RORA: variants seen among roughly 807,000 people sequenced by gnomAD.
RORA encodes nuclear receptor ROR-alpha.
A neutral mutation model predicts 69.5 loss-of-function variants in RORA; 7 were observed. The observed-to-expected ratio is 0.10, with a 90% CI of 0.06 to 0.19. The LOEUF (loss-of-function observed/expected upper bound fraction) is 0.19, where lower values mean the gene tolerates loss of function less well. RORA is among the 10% of genes least tolerant of loss of function. The pLI is 1.00. For synonymous variants in RORA, 261 were observed against 240.8 expected (o/e 1.08, Z -0.78); for missense variants, 457 against 663.0 (o/e 0.69, Z 3.41).
chr15:60,592,316 C>T, intron 2 of RORA: 1 of 1,151,594 alleles, frequency 8.7e-7, no homozygotes, highest in Admixed American at 4.0e-5. Context: ...CCACCCCTCC[C>T]CCTGCGCGCC....
At chr15:60,763,670 G>A (rs540497099) in intron 1 of RORA, among the ~76,000 whole-genome samples, 4 of 152,230 alleles carry the variant, frequency 2.6e-5, no homozygotes, top group South Asian at 2.1e-4. Context: ...ATGCCAGGGG[G>A]GTAGCTCCCC....
At chr15:61,144,952 T>A (rs1033564030) in intron 1 of RORA, among the ~76,000 whole-genome samples, 2 of 152,232 alleles carry the variant, frequency 1.3e-5, no homozygotes, top group African/African-American at 2.4e-5. Flanking sequence ...TATGTGTTAT[T>A]TTTAAAAATA....
At chr15:60,560,164 CCTT>C (rs2067489473) in intron 2 of RORA, among the ~76,000 whole-genome samples, 1 of 152,186 alleles carries the variant, frequency 6.6e-6, no homozygotes, top group South Asian at 2.1e-4. Context: ...CATTTGACTC[CCTT>C]CTTAAGGAGA....
chr15:60,851,159 T>C (rs1180170926), intron 1 of RORA, among the ~76,000 whole-genome samples: 1 of 152,186 alleles, frequency 6.6e-6, no homozygotes, highest in Non-Finnish European at 1.5e-5. Flanking sequence ...GATGTACATA[T>C]ACACACATAA....
At position 60,905,183 on chromosome 15, in the gene RORA, T is replaced by TTAG. The variant is rs377403598; in HGVS notation, c.167-226500_167-226498dup. On this transcript the variant is annotated intron_variant, in intron 1 of 10. Coordinates refer to ENST00000335670, the MANE Select transcript of RORA (RefSeq NM_134261.3). This position sits in a 1 kb window ranked among gnomAD's most constrained non-coding sequence, Gnocchi z 4.8. ...TTCTTCTTTTAATTGATATGCAGTC[T>TTAG]TAGCCCTGTTATCATCTCTGATCTT... Among the ~76,000 whole-genome samples, 156 of 152,336 alleles carry TTAG rather than the reference T, an allele frequency of 1.0e-3. 1 individual carries two copies. Among genetic ancestry groups the TTAG allele is most frequent in the African/African-American group, 3.6e-3 (150 of 41,576 alleles).
At position 60,826,408 on chromosome 15, in the gene RORA, A is replaced by T. The variant is rs566809735; in HGVS notation, c.167-147722T>A. On this transcript the variant is annotated intron_variant, in intron 1 of 10. Transcript: ENST00000335670. Reference sequence around the variant, plus strand: ...AAAACAACCCCTGTTCTCAAGGGGCAATTTCCAGCCTGGCTGCTGACTTCC... The same window carrying T: ...AAAACAACCCCTGTTCTCAAGGGGCTATTTCCAGCCTGGCTGCTGACTTCC... Among the ~76,000 whole-genome samples, 18 of 152,242 alleles carry T rather than the reference A, an allele frequency of 1.2e-4. 1 individual carries two copies. The South Asian group carries it at 3.5e-3, about 30-fold the overall frequency.
intron 1 of RORA, among the ~76,000 whole-genome samples, chr15:60,890,630 T>C (rs955553599): frequency 5.9e-5 from 9 of 152,220 alleles, no homozygotes; most frequent in Non-Finnish European, 1.0e-4. Flanking sequence ...GCTGTTCTTT[T>C]TGAGCCATTT....
intron 1 of RORA, among the ~76,000 whole-genome samples, chr15:60,729,738 T>C (rs186085852): frequency 6.6e-6 from 1 of 152,330 alleles, no homozygotes; most frequent in East Asian, 1.9e-4. Flanking sequence ...AACTGGATTG[T>C]AATCATTTAT....
intron 1 of RORA, among the ~76,000 whole-genome samples, chr15:60,794,014 C>G (rs961348687): frequency 1.3e-5 from 2 of 152,206 alleles, no homozygotes; most frequent in African/African-American, 4.8e-5. Flanking sequence ...TCCAAGGTGA[C>G]AGGGAAAAGG....
chr15:61,145,048 A>G (rs2079334334), intron 1 of RORA, among the ~76,000 whole-genome samples: 1 of 152,170 alleles, frequency 6.6e-6, no homozygotes, highest in African/African-American at 2.4e-5. Flanking sequence ...TATCTAAAAG[A>G]AGCCTTTTTT....
At chr15:60,937,714 T>A (rs1892567157) in intron 1 of RORA, among the ~76,000 whole-genome samples, 1 of 152,114 alleles carries the variant, frequency 6.6e-6, no homozygotes, top group Non-Finnish European at 1.5e-5. Flanking sequence ...ACGTTTCAGC[T>A]CCAACTACTG....
chr15:60,624,498 T>TATATATATATATATATA (rs2069513906), intron 2 of RORA, among the ~76,000 whole-genome samples: 4 of 52,006 alleles, frequency 7.7e-5, no homozygotes, highest in African/African-American at 2.0e-4. Flanking sequence ...ATATATATAT[T>TATATATATATATATATA]TGCTGTATGT....
At chr15:60,790,851 G>A (rs1471618346) in intron 1 of RORA, among the ~76,000 whole-genome samples, 1 of 152,160 alleles carries the variant, frequency 6.6e-6, no homozygotes, top group Non-Finnish European at 1.5e-5. Flanking sequence ...GCATGCTGGG[G>A]CTTGTAGGTA....
chr15:60,544,397 C>G (rs1472867232), intron 2 of RORA, among the ~76,000 whole-genome samples: 1 of 136,098 alleles, frequency 7.3e-6, no homozygotes, highest in East Asian at 2.6e-4. Flanking sequence ...ATGAACTGTT[C>G]TCTTCGAGAT....
At chr15:60,759,491 T>C (rs1293920745) in intron 1 of RORA, among the ~76,000 whole-genome samples, 1 of 152,146 alleles carries the variant, frequency 6.6e-6, no homozygotes, top group Admixed American at 6.5e-5. Flanking sequence ...GCAACCACAA[T>C]TCCCACAAGA....
At chr15:61,177,016 C>A (rs1010899098) in intron 1 of RORA, among the ~76,000 whole-genome samples, 2 of 152,168 alleles carry the variant, frequency 1.3e-5, no homozygotes, top group Admixed American at 1.3e-4. Flanking sequence ...AGGAAGCAAA[C>A]AGGATTGGTT....
At chr15:61,007,038 C>T (rs1436245578) in intron 1 of RORA, among the ~76,000 whole-genome samples, 2 of 151,990 alleles carry the variant, frequency 1.3e-5, no homozygotes, top group African/African-American at 4.8e-5. Context: ...ACTCATCTCT[C>T]CATTTACAAG....
chr15:60,559,620 T>C (rs2067473912), intron 2 of RORA, among the ~76,000 whole-genome samples: 1 of 152,184 alleles, frequency 6.6e-6, no homozygotes, highest in Admixed American at 6.5e-5. Context: ...AGGTGAGGTA[T>C]TGCTGTAGTA....
intron 1 of RORA, among the ~76,000 whole-genome samples, chr15:60,897,380 C>T (rs1891258825): frequency 6.6e-6 from 1 of 152,166 alleles, no homozygotes; most frequent in Non-Finnish European, 1.5e-5. Flanking sequence ...ACATTAATCT[C>T]CATTTCACTC....
Sources: allele counts gnomAD v4.1 joint callset (sites outside exome capture counted in the v4.1 genomes callset), GRCh38; gene constraint gnomAD v4.1.1; non-coding constraint Gnocchi (gnomAD v3.1); transcripts MANE v1.5; gene names NCBI Gene and HGNC (gene_info 2026-07-23, HGNC 2026-07-21).